The following STX18 variants were observed in gnomAD, a reference collection of about 807,000 sequenced individuals.
STX18 encodes syntaxin-18.
In STX18, 40 loss-of-function variants were observed where a neutral mutation model predicts 50.1. The ratio of observed to expected loss-of-function variants is 0.80; its 90% CI spans 0.62 to 1.04. The LOEUF is 1.04. Among genes scored for constraint, STX18 ranks in the 50% least tolerant of loss-of-function variants. The pLI is 0.00. For missense variants in STX18, 410 were observed against 415.8 expected (o/e 0.99, Z 0.12); for synonymous variants, 158 against 151.8 (o/e 1.04, Z -0.30).
intron 1 of STX18, among the ~76,000 whole-genome samples, chr4:4,506,317 T>C (rs950432786): frequency 3.3e-5 from 5 of 152,258 alleles, no homozygotes; most frequent in African/African-American, 7.2e-5. Context: ...AGGTGATAGA[T>C]AATTGTAGTA....
chr4:4,526,098 A>C (rs1730737285), intron 1 of STX18, among the ~76,000 whole-genome samples: 1 of 152,088 alleles, frequency 6.6e-6, no homozygotes, highest in African/African-American at 2.4e-5. Flanking sequence ...AATATCTGAG[A>C]ATCTTTGCGT....
intron 1 of STX18, among the ~76,000 whole-genome samples, chr4:4,494,653 A>G (rs1341193717): frequency 1.3e-5 from 2 of 151,272 alleles, no homozygotes; most frequent in South Asian, 2.1e-4. Context: ...AAAAATAACA[A>G]TATATTGAAT....
chr4:4,461,151 G>C (rs1448809833), intron 2 of STX18, among the ~76,000 whole-genome samples: 1 of 152,102 alleles, frequency 6.6e-6, no homozygotes, highest in East Asian at 1.9e-4. Flanking sequence ...AAGGTCTAAA[G>C]GTTAATTTGA....
At chr4:4,496,885 C>A (rs1006406212) in intron 1 of STX18, among the ~76,000 whole-genome samples, 2 of 152,184 alleles carry the variant, frequency 1.3e-5, no homozygotes, top group African/African-American at 4.8e-5. Context: ...GCATGGGAAG[C>A]AGCGACTTAC....
At chr4:4,535,902 TCCAGGTGGTC>T (rs1731308479) in intron 1 of STX18, among the ~76,000 whole-genome samples, 1 of 152,190 alleles carries the variant, frequency 6.6e-6, no homozygotes, top group Non-Finnish European at 1.5e-5. Context: ...AAATTTATAA[TCCAGGTGGTC>T]CCAGCTCAAC....
intron 8 of STX18, among the ~76,000 whole-genome samples, chr4:4,424,149 C>T (rs1725115971): frequency 6.6e-6 from 1 of 151,636 alleles, no homozygotes; most frequent in Non-Finnish European, 1.5e-5. Flanking sequence ...AGTGTTCTGT[C>T]GGATCTGAAA....
intron 6 of STX18, among the ~76,000 whole-genome samples, chr4:4,436,101 C>G (rs891316660): frequency 1.3e-5 from 2 of 152,160 alleles, no homozygotes; most frequent in Non-Finnish European, 2.9e-5. Flanking sequence ...GAGATGGCAA[C>G]AAGTCCAGAT....
intron 5 of STX18, among the ~76,000 whole-genome samples, chr4:4,448,035 T>C (rs1726524816): frequency 6.6e-6 from 1 of 152,174 alleles, no homozygotes. Context: ...GGGGAAGGAC[T>C]GAAGGAGCCT....
At chr4:4,526,129 C>T (rs181315385) in intron 1 of STX18, among the ~76,000 whole-genome samples, 59 of 152,208 alleles carry the variant, frequency 3.9e-4, no homozygotes, top group Non-Finnish European at 4.6e-4. Context: ...CGGTACTGAG[C>T]GCTTCTGAGC....
intron 1 of STX18, among the ~76,000 whole-genome samples, chr4:4,487,937 T>G (rs1355381295): frequency 6.6e-6 from 1 of 152,102 alleles, no homozygotes; most frequent in Non-Finnish European, 1.5e-5. Context: ...AACGAAGAGG[T>G]GATACATTTT....
In STX18 at chr4:4,420,859, C is replaced by T; in HGVS notation, c.912+5G>A. ...TCGCACCTGGGGAACCTAAACAGTG[C>T]CTACCTCTCTTATGTCTTCGTTGCC... On this transcript the variant is annotated splice_donor_5th_base_variant and intron_variant, in intron 10 of 10. Coordinates refer to ENST00000306200, the MANE Select transcript of STX18 (RefSeq NM_016930.4). This position sits in a 1 kb window ranked among gnomAD's most constrained non-coding sequence, Gnocchi z 4.3. The T allele has an allele frequency of 9.3e-6, 15 of 1,613,972 alleles. No homozygotes were observed. Among genetic ancestry groups the T allele is most frequent in the Non-Finnish European group, 1.1e-5 (13 of 1,179,866 alleles).
rs371185741 is a variant in STX18 at position 4,491,785 on chromosome 4, G to A, written c.169-20079C>T. Among the ~76,000 whole-genome samples, 24 of 152,130 alleles carry A rather than the reference G, an allele frequency of 1.6e-4. 1 individual carries two copies. Among genetic ancestry groups the A allele is most frequent in the Middle Eastern group, 3.4e-3 (1 of 294 alleles). On this transcript the variant is annotated intron_variant, in intron 1 of 10. Transcript: ENST00000306200. ...CTAGCGCAGCCACAGTGTAATATAC[G>A]TTAAAGGTAATGAAACTAAAAAGTA...
rs763004808 is a variant in STX18, at chr4:4,471,846, G to A, written c.169-140C>T. ...TGAGCACCGTCGGTTTTGGACTCTCGTACAGTCACAAATTAGTTACCATTC... is the reference window on the plus strand; with the variant it reads ...TGAGCACCGTCGGTTTTGGACTCTCATACAGTCACAAATTAGTTACCATTC... On this transcript the variant is annotated intron_variant, in intron 1 of 10. Transcript: ENST00000306200. 783 of 577,998 alleles carry A rather than the reference G, an allele frequency of 1.4e-3. 4 individuals carry two copies. Among genetic ancestry groups the A allele is most frequent in the Non-Finnish European group, 4.9e-4 (166 of 335,962 alleles). The allele number at this position is 577,998 out of a possible 1,614,324, so 35.8% of individuals were successfully genotyped here.
intron 1 of STX18, among the ~76,000 whole-genome samples, chr4:4,485,821 C>T (rs576761186): frequency 2.6e-5 from 4 of 152,280 alleles, no homozygotes; most frequent in East Asian, 3.9e-4. Flanking sequence ...CGCTCTCCTC[C>T]GTATCTTTTC....
At position 4,420,327 on chromosome 4, in the gene STX18, A is replaced by G. The variant is rs954912021; in HGVS notation, c.913-198T>C. The G allele has an allele frequency of 3.5e-6, 2 of 567,756 alleles. No individual in the cohort carries two copies. The highest frequency in any genetic ancestry group is 3.8e-5 in the African/African-American group (2 of 53,184). 35.2% of individuals were successfully genotyped at this position (567,756 alleles called of 1,614,324 possible). A position where few individuals can be genotyped will look rare whatever the true frequency, so the allele number is the denominator to read the frequency against. On this transcript the variant is annotated intron_variant, in intron 10 of 10. Transcript: ENST00000306200. This position sits in a 1 kb window ranked among gnomAD's most constrained non-coding sequence, Gnocchi z 4.3. ...GGGTTATATTTCCCTCTGTTTGGCCATCATTTGGGTCCTGCACAATTCTCC... is the reference window on the plus strand; with the variant it reads ...GGGTTATATTTCCCTCTGTTTGGCCGTCATTTGGGTCCTGCACAATTCTCC...
intron 9 of STX18, among the ~76,000 whole-genome samples, chr4:4,422,037 G>A (rs935939491): frequency 2.0e-5 from 3 of 152,116 alleles, no homozygotes; most frequent in Admixed American, 6.5e-5. Flanking sequence ...GAATGCTAGC[G>A]TGGGTTTTTA....
chr4:4,476,175 C>T (rs1205817052), intron 1 of STX18: 1 of 152,160 alleles, frequency 6.6e-6, no homozygotes, highest in East Asian at 1.9e-4. Context: ...CATCAGTGAG[C>T]TACGGTTTGA....
chr4:4,428,426 TG>T (rs1178508747), intron 7 of STX18, among the ~76,000 whole-genome samples: 5 of 152,250 alleles, frequency 3.3e-5, no homozygotes, highest in East Asian at 1.9e-4. Context: ...GTCACTAAAA[TG>T]GGGATAGTAA....
chr4:4,451,665 T>G (rs1726759361), intron 5 of STX18, among the ~76,000 whole-genome samples: 1 of 152,184 alleles, frequency 6.6e-6, no homozygotes, highest in Non-Finnish European at 1.5e-5. Flanking sequence ...TGTTTTGGAG[T>G]GCCACAAAGC....
Sources: gnomAD v4.1 joint callset for allele counts (sites outside exome capture counted in the v4.1 genomes callset) on GRCh38, gnomAD v4.1.1 for gene constraint, Gnocchi (gnomAD v3.1) non-coding constraint, MANE v1.5 for transcripts, NCBI Gene and HGNC (gene_info 2026-07-23, HGNC 2026-07-21) for gene names.